The following DCAF6 variants were observed in gnomAD, a reference collection of about 807,000 sequenced individuals.
DCAF6 encodes DDB1 and CUL4 associated factor 6, also known as DDB1- and CUL4-associated factor 6.
In DCAF6, 54 loss-of-function variants were observed where a neutral mutation model predicts 125.1. The ratio of observed to expected loss-of-function variants is 0.43; its 90% CI spans 0.35 to 0.54. The LOEUF is 0.54. Ranked by LOEUF, DCAF6 falls within the 20% of genes least tolerant of loss-of-function variation. The pLI, the probability that DCAF6 is intolerant of heterozygous loss-of-function variation, is 0.01. For synonymous variants in DCAF6, 371 were observed against 390.4 expected (o/e 0.95, Z 0.58); for missense variants, 934 against 1,161.7 (o/e 0.80, Z 2.85).
chr1:167,980,928 T>TC (rs1162093842), intron 4 of DCAF6, among the ~76,000 whole-genome samples: 21 of 149,298 alleles, frequency 1.4e-4, no homozygotes, highest in Middle Eastern at 6.8e-3. Flanking sequence ...TTTTTTTTTT[T>TC]TTTTTTTGAG....
chr1:167,937,475 C>T (rs1671471504), intron 1 of DCAF6, among the ~76,000 whole-genome samples: 1 of 152,180 alleles, frequency 6.6e-6, no homozygotes, highest in Non-Finnish European at 1.5e-5. Context: ...TCAGGGACTT[C>T]ACGCTCCAGA....
chr1:167,891,161 C>T, the DCAF6 span, among the ~76,000 whole-genome samples: 1 of 151,854 alleles, frequency 6.6e-6, no homozygotes, highest in Non-Finnish European at 1.5e-5. Flanking sequence ...AAGGTTTCAC[C>T]ATGTTGGTCA....
chr1:167,919,908 A>C, the DCAF6 span: 1 of 277,404 alleles, frequency 3.6e-6, no homozygotes, highest in Non-Finnish European at 5.9e-6. Flanking sequence ...ACCCCGTCTC[A>C]AAAAAAAAAA....
intron 10 of DCAF6, among the ~76,000 whole-genome samples, chr1:168,014,585 T>C (rs539914305): frequency 6.6e-6 from 1 of 152,334 alleles, no homozygotes; most frequent in Non-Finnish European, 1.5e-5. Context: ...CTATTCATTC[T>C]TTCCCCCAAC....
At chr1:167,977,646 G>T (rs1678455623) in intron 4 of DCAF6, among the ~76,000 whole-genome samples, 1 of 151,948 alleles carries the variant, frequency 6.6e-6, no homozygotes, top group Admixed American at 6.6e-5. Flanking sequence ...AAAAATGTAA[G>T]AAATTTTCAG....
At chr1:168,067,469 AT>A (rs1000517326) in intron 20 of DCAF6, among the ~76,000 whole-genome samples, 55 of 152,278 alleles carry the variant, frequency 3.6e-4, no homozygotes, top group African/African-American at 9.4e-4. Flanking sequence ...AGAAATAAGA[AT>A]TGGACAGAAG....
At chr1:168,063,858 A>G (rs115506969) in intron 18 of DCAF6, 99 bp downstream of exon 18, 10 of 1,142,464 alleles carry the variant, frequency 8.8e-6, no homozygotes, top group Non-Finnish European at 1.3e-5. Flanking sequence ...ATGGGATTTC[A>G]GTATTACATT....
chr1:168,064,661 G>C (rs1692099937), intron 18 of DCAF6, among the ~76,000 whole-genome samples: 1 of 152,236 alleles, frequency 6.6e-6, no homozygotes, highest in South Asian at 2.1e-4. Context: ...CTAAAAGTTA[G>C]CATGAAAATA....
intron 5 of DCAF6, among the ~76,000 whole-genome samples, chr1:167,990,091 A>G (rs976484553): frequency 1.3e-5 from 2 of 152,200 alleles, no homozygotes; most frequent in African/African-American, 4.8e-5. Flanking sequence ...TTATAAGTAA[A>G]AAGTATAAAA....
chr1:167,863,774 G>A, the DCAF6 span, among the ~76,000 whole-genome samples: 1 of 152,360 alleles, frequency 6.6e-6, no homozygotes, highest in South Asian at 2.1e-4. Flanking sequence ...CCCCCGTGGA[G>A]GATCAACAGA....
the DCAF6 span, among the ~76,000 whole-genome samples, chr1:167,922,110 G>T: frequency 6.6e-6 from 1 of 151,956 alleles, no homozygotes; most frequent in Non-Finnish European, 1.5e-5. Context: ...AAATACTCTG[G>T]GATAGTAAAA....
chr1:167,924,939 AAT>A, the DCAF6 span, among the ~76,000 whole-genome samples: 7 of 152,192 alleles, frequency 4.6e-5, no homozygotes, highest in Non-Finnish European at 1.5e-5. Context: ...TACTATAACA[AAT>A]AGTTGGGTAA....
chr1:167,993,040 C>A (rs1258885799), intron 6 of DCAF6, among the ~76,000 whole-genome samples, 186 bp from the exon 7 acceptor site: 1 of 152,030 alleles, frequency 6.6e-6, no homozygotes, highest in Non-Finnish European at 1.5e-5. Flanking sequence ...TACCTTTATA[C>A]CATATTCTTT....
At chr1:167,901,220 C>G in the DCAF6 span, among the ~76,000 whole-genome samples, 3 of 152,198 alleles carry the variant, frequency 2.0e-5, no homozygotes, top group East Asian at 5.8e-4. Flanking sequence ...TGCAGGCTGA[C>G]CTGTTAAGCT....
chr1:167,913,573 A>AT, the DCAF6 span, among the ~76,000 whole-genome samples: 1 of 152,100 alleles, frequency 6.6e-6, no homozygotes, highest in East Asian at 1.9e-4. Context: ...AATTGCTTCT[A>AT]TTTTGTCTTC....
At chr1:168,015,727 A>T in intron 10 of DCAF6, 54 bp from the exon 11 acceptor site, 1 of 1,345,466 alleles carries the variant, frequency 7.4e-7, no homozygotes, top group South Asian at 1.8e-5. Context: ...TCAAATTCTT[A>T]TTATTTTCTA....
chr1:168,007,513 A>G (rs946060678), intron 10 of DCAF6, among the ~76,000 whole-genome samples: 2 of 151,582 alleles, frequency 1.3e-5, no homozygotes, highest in Admixed American at 6.6e-5. Flanking sequence ...TTCCTCTGAA[A>G]CTTTTAATCA....
the DCAF6 span, among the ~76,000 whole-genome samples, chr1:167,924,092 T>C: frequency 6.6e-6 from 1 of 152,212 alleles, no homozygotes; most frequent in East Asian, 1.9e-4. Flanking sequence ...AATAAATCCA[T>C]CTACTTTTTG....
intron 12 of DCAF6, among the ~76,000 whole-genome samples, chr1:168,035,068 C>G (rs886677684): frequency 5.3e-5 from 8 of 152,014 alleles, no homozygotes; most frequent in African/African-American, 1.9e-4. Context: ...TTGTATATGA[C>G]CAAGCAAACT....
Sources: gnomAD v4.1 joint callset for allele counts (sites outside exome capture counted in the v4.1 genomes callset) on GRCh38, gnomAD v4.1.1 for gene constraint, MANE v1.5 for transcripts, NCBI Gene and HGNC (gene_info 2026-07-23, HGNC 2026-07-21) for gene names.